The following TOP3A variants were observed in gnomAD, a reference collection of about 807,000 sequenced individuals.
TOP3A encodes DNA topoisomerase III alpha, also known as DNA topoisomerase 3-alpha.
In TOP3A, 64 loss-of-function variants were observed where a neutral mutation model predicts 111.3. The ratio of observed to expected loss-of-function variants is 0.57; its 90% CI spans 0.47 to 0.71. The LOEUF is 0.71. TOP3A is among the 30% of genes least tolerant of loss of function. TOP3A has a pLI of 0.00. For missense variants in TOP3A, 1,104 were observed against 1,285.0 expected (o/e 0.86, Z 2.15); for synonymous variants, 484 against 485.1 (o/e 1.00, Z 0.03).
At position 18,272,418 on chromosome 17, in the gene TOP3A, A is replaced by G. The variant is rs1979050841; in HGVS notation, c.*2384T>C. Among the ~76,000 whole-genome samples, 1 of 152,242 alleles carries G rather than the reference A, an allele frequency of 6.6e-6. No homozygotes were observed. The highest frequency in any genetic ancestry group is 1.5e-5 in the Non-Finnish European group (1 of 68,046). Reference sequence around the variant, plus strand: ...AGTTATGGTATAAAACTACAATTCCATTCCTCGGCATATGCCCAAAATAAC... The same window carrying G: ...AGTTATGGTATAAAACTACAATTCCGTTCCTCGGCATATGCCCAAAATAAC... On this transcript the variant is annotated 3_prime_UTR_variant, in exon 19 of 19. Coordinates refer to ENST00000321105, the MANE Select transcript of TOP3A (RefSeq NM_004618.5).
At chr17:18,303,282 G>T (rs1981353480) in intron 5 of TOP3A, among the ~76,000 whole-genome samples, 1 of 152,190 alleles carries the variant, frequency 6.6e-6, no homozygotes, top group African/African-American at 2.4e-5. Context: ...CCCTGCCCAA[G>T]AAAGCCTGGG....
At chr17:18,288,150 AATTT>A (rs1980235948) in intron 13 of TOP3A, among the ~76,000 whole-genome samples, 5 of 78,828 alleles carry the variant, frequency 6.3e-5, no homozygotes, top group Admixed American at 2.6e-4. Flanking sequence ...TATATATATA[AATTT>A]TTTTTTTTTT....
In TOP3A at chr17:18,285,430, T is replaced by C. The variant is rs1287038213; in HGVS notation, c.1688A>G (p.His563Arg). Residue 563 changes from histidine (H) to arginine (R), a missense_variant, in exon 14 of 19, where the codon CAC (histidine) becomes CGC (arginine). His to Arg is a conservative substitution (Grantham distance 29, BLOSUM62 0). Coordinates refer to ENST00000321105, the MANE Select transcript of TOP3A (RefSeq NM_004618.5). ...LTPDKRFLPGHLGMGLVEGYD... is the reference protein window; with the variant it reads ...LTPDKRFLPGRLGMGLVEGYD... Reference sequence around the variant, plus strand: ...ACCTTCCACAAGTCCCATGCCCAGGTGCCCAGGGAGGAACCGCTTGTCTGG... The same window carrying C: ...ACCTTCCACAAGTCCCATGCCCAGGCGCCCAGGGAGGAACCGCTTGTCTGG... 1.9e-6 allele frequency: 3 copies of C among 1,613,886 alleles called. No individual in the cohort carries two copies. The African/African-American group carries it at 4.0e-5, about 22-fold the overall frequency.
chr17:18,293,064 C>T (rs1980579273), intron 10 of TOP3A, among the ~76,000 whole-genome samples: 1 of 152,188 alleles, frequency 6.6e-6, no homozygotes, highest in Non-Finnish European at 1.5e-5. Flanking sequence ...CTAGCACACT[C>T]AAAGAAGCCA....
At chr17:18,282,613 G>C (rs934189480) in intron 16 of TOP3A, 85 bp downstream of exon 16, 59 of 1,567,740 alleles carry the variant, frequency 3.8e-5, no homozygotes, top group Admixed American at 6.9e-5. Flanking sequence ...AGATTCCATG[G>C]AGTGAAATGG....
At position 18,282,692 on chromosome 17, in the gene TOP3A, A is replaced by G; in HGVS notation, c.2021+6T>C. On this transcript the variant is annotated splice_donor_region_variant and intron_variant, in intron 16 of 18. Transcript: ENST00000321105. ...CAGAGGTGGGGGCAGAAGGCAGCGCACTCACCCGCCATTCTTCTTGGTCTT... is the reference window on the plus strand; with the variant it reads ...CAGAGGTGGGGGCAGAAGGCAGCGCGCTCACCCGCCATTCTTCTTGGTCTT... 3 of 1,612,754 alleles carry G rather than the reference A, an allele frequency of 1.9e-6. No homozygotes were observed. The highest frequency in any genetic ancestry group is 1.1e-5 in the South Asian group (1 of 91,028).
At chr17:18,283,306 T>C (rs993952197) in intron 15 of TOP3A, among the ~76,000 whole-genome samples, 12 of 151,402 alleles carry the variant, frequency 7.9e-5, no homozygotes, top group African/African-American at 2.7e-4. Flanking sequence ...GAGGCAGAGG[T>C]TGTGGTGAGC....
intron 10 of TOP3A, among the ~76,000 whole-genome samples, chr17:18,293,914 A>C (rs1448741195): frequency 6.6e-6 from 1 of 152,232 alleles, no homozygotes; most frequent in African/African-American, 2.4e-5. Flanking sequence ...ATTTTCAATT[A>C]GTCACTTAAG....
chr17:18,305,378 C>T (rs544591850), intron 4 of TOP3A, among the ~76,000 whole-genome samples, 158 bp from the exon 5 acceptor site: 1 of 152,226 alleles, frequency 6.6e-6, no homozygotes, highest in South Asian at 2.1e-4. Context: ...CTCATTGGTG[C>T]TAATCATGAT....
chr17:18,307,882 C>CTG (rs1981675707), intron 3 of TOP3A, among the ~76,000 whole-genome samples: 1 of 143,096 alleles, frequency 7.0e-6, no homozygotes, highest in Non-Finnish European at 1.5e-5. Context: ...TGCACTCCAG[C>CTG]CTGGGTAACG....
chr17:18,313,161 A>C (rs909985177), intron 1 of TOP3A: 1 of 152,450 alleles, frequency 6.6e-6, no homozygotes, highest in Non-Finnish European at 1.5e-5. Flanking sequence ...CTGGCCACAG[A>C]CACCAGAATC....
rs1979845430 is a variant in TOP3A, at chr17:18,282,796, C to T, written c.1923G>A (p.Leu641=). ...CTGGGTAGATATCTTCTTGCTGGGC[C>T]AACTCTGTCCCATTCCCAAAGTACT... ...LAQYFGNGTE[L]AQQEDIYPAM... Residue 641 remains leucine (L), a synonymous_variant, in exon 16 of 19, where the codon TTG becomes TTA. Coordinates refer to ENST00000321105, the MANE Select transcript of TOP3A (RefSeq NM_004618.5). 2 of 1,614,202 alleles carry T rather than the reference C, an allele frequency of 1.2e-6. No homozygotes were observed.
At position 18,274,647 on chromosome 17, in the gene TOP3A, C is replaced by T; in HGVS notation, c.*155G>A. 1 of 1,297,350 alleles carries T rather than the reference C, an allele frequency of 7.7e-7. No individual in the cohort carries two copies. The highest frequency in any genetic ancestry group is 1.0e-6 in the Non-Finnish European group (1 of 968,210). 80.4% of individuals were successfully genotyped at this position (1,297,350 alleles called of 1,614,324 possible). A position where few individuals can be genotyped will look rare whatever the true frequency, so the allele number is the denominator to read the frequency against. ...TGGCCTGCTCCAGAGTGATCTGGAC[C>T]TTGTGCCCCTTAACACAAGAAGGCC... On this transcript the variant is annotated 3_prime_UTR_variant, in exon 19 of 19. Transcript: ENST00000321105.
chr17:18,303,560 C>G (rs1981372089), intron 5 of TOP3A, among the ~76,000 whole-genome samples: 1 of 152,158 alleles, frequency 6.6e-6, no homozygotes, highest in Non-Finnish European at 1.5e-5. Flanking sequence ...ATCACGGCGG[C>G]AATACTGCTC....
chr17:18,309,975 G>T (rs916671929), intron 1 of TOP3A, among the ~76,000 whole-genome samples: 1 of 151,676 alleles, frequency 6.6e-6, no homozygotes, highest in Non-Finnish European at 1.5e-5. Flanking sequence ...CTCCCAAAGT[G>T]CTGGGATTAC....
At chr17:18,289,006 A>G (rs1232119720) in intron 13 of TOP3A, among the ~76,000 whole-genome samples, 1 of 151,808 alleles carries the variant, frequency 6.6e-6, no homozygotes, top group Non-Finnish European at 1.5e-5. Flanking sequence ...GCATGCACCT[A>G]ATTTTTTGTA....
intron 4 of TOP3A, 34 bp from the exon 5 acceptor site, chr17:18,305,254 C>T: frequency 1.3e-6 from 2 of 1,530,488 alleles, no homozygotes; most frequent in Non-Finnish European, 1.8e-6. Flanking sequence ...GTGGTGAGAA[C>T]AGAATTGCAC....
At chr17:18,282,628 G>T (rs1597959102) in intron 16 of TOP3A, 70 bp downstream of exon 16, 2 of 1,593,086 alleles carry the variant, frequency 1.3e-6, no homozygotes, top group African/African-American at 1.3e-5. Flanking sequence ...AAATGGCAGG[G>T]TCTTTCGAGC....
Position 18,280,620 on chromosome 17 carries a change from G to C in TOP3A, c.2060C>G (p.Ser687Ter). Residue 687 changes from serine to a stop codon, truncating the protein, a stop_gained, in exon 17 of 19, where the codon TCA becomes TGA. Transcript: ENST00000321105. LOFTEE classifies it high-confidence loss of function. The part of the protein sequence containing the change: ...LSCMGFPECR[S>*]AVWLPDSVLE... The stretch of plus-strand genomic sequence containing the variant: ...CACCGAGTCAGGAAGCCACACAGCT[G>C]AGCGACACTCTGGGAAACCCATGCA... The C allele has an allele frequency of 1.2e-6, 2 of 1,614,126 alleles. No homozygotes were observed. The highest frequency in any genetic ancestry group is 1.7e-6 in the Non-Finnish European group (2 of 1,179,988).
Sources: allele counts gnomAD v4.1 joint callset (sites outside exome capture counted in the v4.1 genomes callset), GRCh38; gene constraint gnomAD v4.1.1; transcripts MANE v1.5; gene names NCBI Gene and HGNC (gene_info 2026-07-23, HGNC 2026-07-21).